Variants in ARHGEF9 observed in about 807,000 individuals in gnomAD.
The protein encoded by ARHGEF9 is rho guanine nucleotide exchange factor 9.
In ARHGEF9, 2 loss-of-function variants were observed where a neutral mutation model predicts 41.3. The ratio of observed to expected loss-of-function variants is 0.05; its 90% CI spans 0.02 to 0.15. The LOEUF (loss-of-function observed/expected upper bound fraction) is 0.15, where lower values mean the gene tolerates loss of function less well. ARHGEF9 is among the 10% of genes least tolerant of loss of function. The probability of loss-of-function intolerance (pLI) is 1.00; values close to 1 mark genes in which losing one functional copy is unlikely to be tolerated. For synonymous variants in ARHGEF9, 160 were observed against 154.4 expected (o/e 1.04, Z -0.27); for missense variants, 225 against 424.7 (o/e 0.53, Z 4.13).
intron 2 of ARHGEF9, among the ~76,000 whole-genome samples, chrX:63,713,374 C>T (rs2053073868): frequency 9.1e-6 from 1 of 110,030 alleles, no homozygotes; most frequent in African/African-American, 3.3e-5. Flanking sequence ...AGCAATTGCA[C>T]AGCCTATCTG....
At chrX:63,703,823 G>T (rs1490037168) in intron 3 of ARHGEF9, among the ~76,000 whole-genome samples, 2 of 111,955 alleles carry the variant, frequency 1.8e-5, no homozygotes, top group East Asian at 5.6e-4. Context: ...GAAGTCTCAA[G>T]AAGATGATAT....
intron 7 of ARHGEF9, chrX:63,657,206 A>C (rs1281025535): frequency 8.9e-6 from 1 of 112,305 alleles, no homozygotes; most frequent in East Asian, 2.8e-4. Context: ...AATGCTCATT[A>C]ATTTTTATTA....
At position 63,637,198 on chromosome X, in the gene ARHGEF9, T is replaced by C. The variant is rs1602141336; in HGVS notation, c.*830A>G. The C allele has an allele frequency of 3.4e-6, 1 of 296,032 alleles. No individual in the cohort carries two copies. Among genetic ancestry groups the C allele is most frequent in the Admixed American group, 6.2e-5 (1 of 16,246 alleles). The allele number at this position is 296,032 out of a possible 1,213,427, so 24.4% of individuals were successfully genotyped here. On this transcript the variant is annotated 3_prime_UTR_variant, in exon 10 of 10. Coordinates refer to ENST00000671741, the MANE Select transcript of ARHGEF9 (RefSeq NM_001353921.2). ...GCTGCAACATGGGAAACCCCAGTGATAGAAGAAACAGCCTGAATGCAAAAT... is the reference window on the plus strand; with the variant it reads ...GCTGCAACATGGGAAACCCCAGTGACAGAAGAAACAGCCTGAATGCAAAAT...
intron 7 of ARHGEF9, among the ~76,000 whole-genome samples, chrX:63,663,849 A>C (rs782808317): frequency 8.9e-6 from 1 of 112,524 alleles, no homozygotes; most frequent in South Asian, 3.7e-4. Context: ...GAAATCTTCA[A>C]AACAAACATC....
intron 5 of ARHGEF9, among the ~76,000 whole-genome samples, chrX:63,675,244 T>C (rs189819902): frequency 1.3e-4 from 14 of 111,934 alleles, no homozygotes; most frequent in Non-Finnish European, 1.9e-4. Flanking sequence ...TCCTATCTGA[T>C]ACAGCCAGCC....
At chrX:63,771,572 A>AT (rs1760064654) in intron 1 of ARHGEF9, among the ~76,000 whole-genome samples, 1 of 108,939 alleles carries the variant, frequency 9.2e-6, no homozygotes, top group African/African-American at 3.4e-5. Context: ...CAGTTGAAGA[A>AT]CTTTTTTTTT....
chrX:63,753,681 A>T (rs1418527213), intron 1 of ARHGEF9, among the ~76,000 whole-genome samples: 9 of 111,164 alleles, frequency 8.1e-5, no homozygotes, highest in African/African-American at 2.6e-4. Flanking sequence ...GCTTTCACAT[A>T]CTATTTCATG....
At chrX:63,662,120 T>C (rs190048396) in intron 7 of ARHGEF9, among the ~76,000 whole-genome samples, 10 of 111,766 alleles carry the variant, frequency 8.9e-5, no homozygotes, top group African/African-American at 1.3e-4. Context: ...ATCAGGCATT[T>C]TATATGCATT....
At chrX:63,755,882 T>C (rs1193470788) in intron 1 of ARHGEF9, 1 of 752,273 alleles carries the variant, frequency 1.3e-6, no homozygotes, top group East Asian at 1.5e-4. Context: ...CTAGGACAGT[T>C]AGCTTGCAAT....
chrX:63,750,465 AACT>A (rs781849787), intron 1 of ARHGEF9, among the ~76,000 whole-genome samples: 9 of 111,444 alleles, frequency 8.1e-5, no homozygotes, highest in Non-Finnish European at 1.5e-4. Context: ...CCCCGTCAGA[AACT>A]ACTACACCAA....
chrX:63,691,898 C>G (rs1316394291), intron 4 of ARHGEF9, among the ~76,000 whole-genome samples: 2 of 111,085 alleles, frequency 1.8e-5, no homozygotes, highest in Admixed American at 9.6e-5. Context: ...CCAAAATATA[C>G]CCATGCATTT....
intron 1 of ARHGEF9, among the ~76,000 whole-genome samples, chrX:63,739,608 C>T (rs1201093481): frequency 8.9e-6 from 1 of 111,754 alleles, no homozygotes; most frequent in African/African-American, 3.3e-5. Flanking sequence ...CTAATCCTGC[C>T]ACCTCAGACT....
chrX:63,783,670 TG>T (rs1287697609), intron 1 of ARHGEF9, among the ~76,000 whole-genome samples: 4 of 111,514 alleles, frequency 3.6e-5, no homozygotes, highest in African/African-American at 1.3e-4. Context: ...GGTGGAGCAG[TG>T]GGGAAGGACT....
chrX:63,735,797 G>GT (rs1384593184), intron 1 of ARHGEF9, among the ~76,000 whole-genome samples: 1 of 112,185 alleles, frequency 8.9e-6, no homozygotes, highest in East Asian at 2.8e-4. Flanking sequence ...CAAAGAGAAT[G>GT]TAAGTATCTC....
Position 63,753,544 on chromosome X carries a change from T to G in ARHGEF9, c.31-28833A>C, listed in dbSNP as rs782595902. On this transcript the variant is annotated intron_variant, in intron 1 of 9. Transcript: ENST00000671741. ...GAGCTGTTTTTTCTTTCTTGTGGGG[T>G]TTTTTTTTTTTTTTGATGAGACAAA... Among the ~76,000 whole-genome samples, 69 of 86,751 alleles carry G rather than the reference T, an allele frequency of 8.0e-4. 1 individual carries two copies. Among genetic ancestry groups the G allele is most frequent in the Non-Finnish European group, 1.3e-3 (57 of 42,975 alleles). 75.3% of individuals were successfully genotyped at this position (86,751 alleles called of 115,157 possible). A position where few individuals can be genotyped will look rare whatever the true frequency, so the allele number is the denominator to read the frequency against.
At chrX:63,639,108 C>T (rs2047465880) in intron 9 of ARHGEF9, among the ~76,000 whole-genome samples, 1 of 111,740 alleles carries the variant, frequency 8.9e-6, no homozygotes, top group Admixed American at 9.5e-5. Flanking sequence ...CTGCTGCTCC[C>T]AAATACCTTC....
At chrX:63,648,677 C>T (rs1242078686) in intron 8 of ARHGEF9, among the ~76,000 whole-genome samples, 1 of 111,260 alleles carries the variant, frequency 9.0e-6, no homozygotes, top group African/African-American at 3.3e-5. Flanking sequence ...AGAGTCAAGA[C>T]CCATCAGTGT....
chrX:63,695,324 C>T (rs782132773), intron 4 of ARHGEF9, among the ~76,000 whole-genome samples: 8 of 111,928 alleles, frequency 7.1e-5, no homozygotes, highest in South Asian at 3.8e-4. Context: ...ATCTAGTCTT[C>T]GGTTTGTTGC....
intron 1 of ARHGEF9, among the ~76,000 whole-genome samples, chrX:63,736,083 C>T (rs1252673425): frequency 1.8e-5 from 2 of 111,744 alleles, no homozygotes; most frequent in South Asian, 3.8e-4. Flanking sequence ...TGGGTCAGGC[C>T]CCAAGGGACT....
Sources: allele counts gnomAD v4.1 joint callset (sites outside exome capture counted in the v4.1 genomes callset), GRCh38; gene constraint gnomAD v4.1.1; transcripts MANE v1.5; gene names NCBI Gene and HGNC (gene_info 2026-07-23, HGNC 2026-07-21).